Variants in CEP192 observed in about 807,000 individuals in gnomAD.
The protein encoded by CEP192 is centrosomal protein 192.
A neutral mutation model predicts 271.8 loss-of-function variants in CEP192; 151 were observed. That is an observed-to-expected ratio of 0.56 (90% CI 0.49 to 0.64). The LOEUF is 0.64. Ranked by LOEUF, CEP192 falls within the 30% of genes least tolerant of loss-of-function variation. The pLI, the probability that CEP192 is intolerant of heterozygous loss-of-function variation, is 0.00. For missense variants in CEP192, 2,910 were observed against 3,020.5 expected (o/e 0.96, Z 0.86); for synonymous variants, 995 against 1,076.5 (o/e 0.92, Z 1.48).
At chr18:13,056,800 T>C (rs1213815672) in intron 19 of CEP192, 102 bp downstream of exon 19, 2 of 979,550 alleles carry the variant, frequency 2.0e-6, no homozygotes, top group African/African-American at 1.6e-5. Flanking sequence ...ATTAATTCCT[T>C]GTAAGTTTTG....
At chr18:13,124,120 A>G (rs1329674084) in intron 44 of CEP192, among the ~76,000 whole-genome samples, 1 of 152,158 alleles carries the variant, frequency 6.6e-6, no homozygotes, top group Non-Finnish European at 1.5e-5. Flanking sequence ...AGATCATGCC[A>G]TTACACCCCA....
intron 30 of CEP192, among the ~76,000 whole-genome samples, chr18:13,074,214 G>C (rs745322723): frequency 6.6e-6 from 1 of 152,170 alleles, no homozygotes; most frequent in Non-Finnish European, 1.5e-5. Context: ...TTTAGAATTA[G>C]GTATGTATGA....
At position 12,999,540 on chromosome 18, in the gene CEP192, C is replaced by T. The variant is rs574266345; in HGVS notation, c.116C>T (p.Pro39Leu). ...NVTLSSNLGLPVAVSTLARDR... is the reference protein window; with the variant it reads ...NVTLSSNLGLLVAVSTLARDR... ...ACTCTTTCTTCAAATCTTGGCTTGC[C>T]TGTTGCTGTTTCTACACTTGCTAGG... Residue 39 changes from proline (P) to leucine (L), a missense_variant, in exon 2 of 45, where the codon CCT becomes CTT. By Grantham distance (98) the Pro-to-Leu change is moderately conservative. Coordinates refer to ENST00000506447, the MANE Select transcript of CEP192 (RefSeq NM_032142.4). 3 of 1,550,732 alleles carry T rather than the reference C, an allele frequency of 1.9e-6. No individual in the cohort carries two copies. The highest frequency in any genetic ancestry group is 2.0e-5 in the Admixed American group (1 of 50,672).
intron 38 of CEP192, among the ~76,000 whole-genome samples, chr18:13,101,753 C>T (rs1009193975): frequency 1.3e-5 from 2 of 152,114 alleles, no homozygotes; most frequent in African/African-American, 4.8e-5. Flanking sequence ...GACTGTCGCC[C>T]ATCTCTTCAG....
intron 40 of CEP192, among the ~76,000 whole-genome samples, chr18:13,108,048 G>A (rs1204382903): frequency 6.6e-6 from 1 of 152,134 alleles, no homozygotes; most frequent in Non-Finnish European, 1.5e-5. Context: ...AAGCAATGGG[G>A]AAAGGACTCC....
At position 13,084,820 on chromosome 18, in the gene CEP192, CT is replaced by C. The variant is rs75187893; in HGVS notation, c.5617-2186del. Among the ~76,000 whole-genome samples, 260 of 146,138 alleles carry C rather than the reference CT, an allele frequency of 1.8e-3. 4 individuals carry two copies. Among genetic ancestry groups the C allele is most frequent in the South Asian group, 6.9e-3 (32 of 4,612 alleles). The stretch of plus-strand genomic sequence containing the variant: ...GGTATCTCATTGTGGTTTTGATTTC[CT>C]TTTTTTTTTTGAGACAGAGTCTTCC... On this transcript the variant is annotated intron_variant, in intron 30 of 44. Transcript: ENST00000506447.
chr18:13,017,460 C>G, intron 7 of CEP192, 124 bp downstream of exon 7: 1 of 648,120 alleles, frequency 1.5e-6, no homozygotes, highest in Non-Finnish European at 2.4e-6. Flanking sequence ...TCTGTGTTTC[C>G]GAGGTATGAA....
At chr18:13,046,165 G>A (rs780804466) in intron 15 of CEP192, among the ~76,000 whole-genome samples, 5 of 152,182 alleles carry the variant, frequency 3.3e-5, no homozygotes, top group African/African-American at 4.8e-5. Context: ...GGCAGAAGGC[G>A]AAGCGGGAGC....
In CEP192 at chr18:13,029,986, C is replaced by G; in HGVS notation, c.1374C>G (p.Ile458Met). 6.5e-7 allele frequency: 1 copy of G among 1,546,930 alleles called. No homozygotes were observed. Among genetic ancestry groups the G allele is most frequent in the Non-Finnish European group, 8.7e-7 (1 of 1,143,678 alleles). ...GAACATGTGAATGTCACGAGTCCAT[C>G]GAAAAGAATAAAGACAGTAAGTGGA... The part of the protein sequence containing the change: ...ERRTCECHES[I>M]EKNKDKTDLP... Residue 458 changes from isoleucine (I) to methionine (M), a missense_variant, in exon 10 of 45, where the codon ATC becomes ATG. By Grantham distance (10) the Ile-to-Met change is conservative. Transcript: ENST00000506447.
chr18:13,054,426 A>G (rs1301722803), intron 18 of CEP192, among the ~76,000 whole-genome samples: 10 of 152,246 alleles, frequency 6.6e-5, no homozygotes, highest in African/African-American at 1.4e-4. Flanking sequence ...CCACCAAGCC[A>G]CTGAAGAGTT....
Position 13,049,325 on chromosome 18 carries a change from T to G in CEP192, c.2534T>G (p.Val845Gly). Residue 845 changes from valine (V) to glycine (G), a missense_variant, in exon 16 of 45, where the codon GTT becomes GGT. Coordinates refer to ENST00000506447, the MANE Select transcript of CEP192 (RefSeq NM_032142.4). Reference sequence around the variant, plus strand: ...CCAGAAGAAAACACAGCAGCTATTGTTTATGTTGAAAATGGAGAGAGTGAG... The same window carrying G: ...CCAGAAGAAAACACAGCAGCTATTGGTTATGTTGAAAATGGAGAGAGTGAG... ...RAPEENTAAIVYVENGESENQ... is the reference protein window; with the variant it reads ...RAPEENTAAIGYVENGESENQ... 1.9e-6 allele frequency: 3 copies of G among 1,614,122 alleles called. No homozygotes were observed. Among genetic ancestry groups the G allele is most frequent in the Non-Finnish European group, 2.5e-6 (3 of 1,180,002 alleles).
At position 13,029,959 on chromosome 18, in the gene CEP192, G is replaced by A. The variant is rs2035521618; in HGVS notation, c.1347G>A (p.Arg449=). The A allele has an allele frequency of 6.4e-7, 1 of 1,551,278 alleles. No homozygotes were observed. Among genetic ancestry groups the A allele is most frequent in the African/African-American group, 1.4e-5 (1 of 73,050 alleles). The change falls in exon 10 of 45, where the codon AGG becomes AGA. Residue 449 remains arginine, a synonymous_variant. Coordinates refer to ENST00000506447, the MANE Select transcript of CEP192 (RefSeq NM_032142.4). ...TDAIWSPTCE[R]RTCECHESIE... ...CCATTTGGTCACCAACTTGTGAAAG[G>A]CGAACATGTGAATGTCACGAGTCCA... is the stretch of plus-strand genomic sequence containing the variant.
At chr18:13,012,864 T>G in intron 4 of CEP192, 109 bp from the exon 5 acceptor site, 1 of 626,722 alleles carries the variant, frequency 1.6e-6, no homozygotes, top group Non-Finnish European at 2.8e-6. Flanking sequence ...TTAAAAGTGC[T>G]TTTATTCTAT....
intron 43 of CEP192, 63 bp from the exon 44 acceptor site, chr18:13,117,522 G>A: frequency 3.4e-6 from 4 of 1,184,522 alleles, no homozygotes; most frequent in South Asian, 1.2e-5. Context: ...TGCTTGGTAT[G>A]CTTATATATG....
In CEP192 at chr18:13,069,004, C is replaced by A; in HGVS notation, c.4962+13C>A. On this transcript the variant is annotated intron_variant, in intron 25 of 44. Transcript: ENST00000506447. ...CAGGGACTTGCAGGTAGCCTCAGTC[C>A]TCCTTTCTGCCGTTACTGCTTTCAT... 6.2e-7 allele frequency: 1 copy of A among 1,614,188 alleles called. No homozygotes were observed. The highest frequency in any genetic ancestry group is 8.5e-7 in the Non-Finnish European group (1 of 1,180,028).
At chr18:13,086,833 T>G (rs545728156) in intron 30 of CEP192, among the ~76,000 whole-genome samples, 184 bp from the exon 31 acceptor site, 1 of 152,304 alleles carries the variant, frequency 6.6e-6, no homozygotes, top group African/African-American at 2.4e-5. Flanking sequence ...TTTGGTTTGT[T>G]TTTTCCTTAA....
intron 5 of CEP192, among the ~76,000 whole-genome samples, chr18:13,013,987 T>G (rs1408309920): frequency 1.3e-5 from 2 of 152,258 alleles, no homozygotes; most frequent in African/African-American, 4.8e-5. Context: ...TTTATTGGAA[T>G]ACGGTTGTGC....
At position 13,124,770 on chromosome 18, in the gene CEP192, A is replaced by G. The variant is rs544809328; in HGVS notation, c.7614A>G (p.Ter2538=). The G allele has an allele frequency of 1.9e-5, 31 of 1,599,524 alleles. No homozygotes were observed. Among genetic ancestry groups the G allele is most frequent in the Admixed American group, 5.0e-5 (3 of 59,572 alleles). ...TTGGTGAAGCTCTTGGAAAAAATTA[A>G]CTAGAATACATTTTTGTGTAAAGTA... ...RLIGEALGKN[*] Residue 2538 remains the stop codon, a stop_retained_variant, in exon 45 of 45, where the codon TAA becomes TAG. Transcript: ENST00000506447.
chr18:13,071,801 A>G (rs1246035053), intron 28 of CEP192, among the ~76,000 whole-genome samples: 2 of 152,130 alleles, frequency 1.3e-5, no homozygotes, highest in Non-Finnish European at 2.9e-5. Context: ...TCAGAAGCCT[A>G]TGGCAGAAAC....
Sources: gnomAD v4.1 joint callset for allele counts (sites outside exome capture counted in the v4.1 genomes callset) on GRCh38, gnomAD v4.1.1 for gene constraint, MANE v1.5 for transcripts, NCBI Gene and HGNC (gene_info 2026-07-23, HGNC 2026-07-21) for gene names.